The following LGSN variants were observed in gnomAD, a reference collection of about 807,000 sequenced individuals.
The protein encoded by LGSN is lengsin.
A neutral mutation model predicts 19.5 loss-of-function variants in LGSN; 21 were observed. The observed-to-expected ratio is 1.07, with a 90% CI of 0.76 to 1.55. The LOEUF (loss-of-function observed/expected upper bound fraction) is 1.55, where lower values mean the gene tolerates loss of function less well. Ranked by LOEUF, LGSN falls within the 40% of genes most tolerant of loss-of-function variation. The probability of loss-of-function intolerance (pLI) is 0.00; values close to 1 mark genes in which losing one functional copy is unlikely to be tolerated. For synonymous variants in LGSN, 257 were observed against 215.6 expected (o/e 1.19, Z -1.68); for missense variants, 673 against 608.5 (o/e 1.11, Z -1.12).
the LGSN span, among the ~76,000 whole-genome samples, chr6:63,516,845 G>C: frequency 6.6e-6 from 1 of 152,170 alleles, no homozygotes; most frequent in Non-Finnish European, 1.5e-5. Flanking sequence ...AGCTCCAACA[G>C]TTTCCTCTGT....
At chr6:63,524,357 T>C in the LGSN span, among the ~76,000 whole-genome samples, 4 of 152,188 alleles carry the variant, frequency 2.6e-5, no homozygotes, top group Admixed American at 2.0e-4. Flanking sequence ...CATATTTGTA[T>C]GAAAAAATTA....
chr6:63,548,897 G>C, the LGSN span: 1 of 873,364 alleles, frequency 1.1e-6, no homozygotes, highest in Non-Finnish European at 1.9e-6. Flanking sequence ...TAACCTGTAT[G>C]AAGGCGACAG....
the LGSN span, among the ~76,000 whole-genome samples, chr6:63,506,758 G>A: frequency 6.6e-6 from 1 of 152,142 alleles, no homozygotes; most frequent in Non-Finnish European, 1.5e-5. Context: ...AAGAAAAATG[G>A]TCATAAAAAC....
the LGSN span, among the ~76,000 whole-genome samples, chr6:63,386,825 ATGGTGACTCATGCC>A: frequency 6.6e-6 from 1 of 152,152 alleles, no homozygotes; most frequent in Non-Finnish European, 1.5e-5. Context: ...AGGGGCGGGC[ATGGTGACTCATGCC>A]TGTAATCTCA....
chr6:63,291,787 A>C (rs1767782965), intron 2 of LGSN, among the ~76,000 whole-genome samples: 1 of 152,148 alleles, frequency 6.6e-6, no homozygotes, highest in Admixed American at 6.6e-5. Context: ...ACCCCTCGAA[A>C]ATTTCTTCCA....
the LGSN span, among the ~76,000 whole-genome samples, chr6:63,407,433 T>C: frequency 6.6e-6 from 1 of 152,178 alleles, no homozygotes; most frequent in Non-Finnish European, 1.5e-5. Flanking sequence ...AAAAACCACA[T>C]GATTTTCTCA....
At position 63,280,202 on chromosome 6, in the gene LGSN, A is replaced by T; in HGVS notation, c.1349T>A (p.Val450Glu). 6.2e-7 allele frequency: 1 copy of T among 1,614,206 alleles called. No homozygotes were observed. The change falls in exon 4 of 4, where the codon GTG (valine) becomes GAG (glutamate). Residue 450 changes from valine (V) to glutamate (E), a missense_variant. Val to Glu is a moderately radical substitution (Grantham distance 121). Transcript: ENST00000370657. ...GPDESTDFYQVEPSEIPLKLE... is the reference protein window; with the variant it reads ...GPDESTDFYQEEPSEIPLKLE... ...TTTTAAAGGGATCTCAGAAGGTTCC[A>T]CTTGGTAAAAGTCTGTGCTCTCATC...
the LGSN span, among the ~76,000 whole-genome samples, chr6:63,330,507 A>G: frequency 6.6e-6 from 1 of 152,078 alleles, no homozygotes; most frequent in Non-Finnish European, 1.5e-5. Flanking sequence ...GAATCAATTG[A>G]CCCTCGAGTG....
chr6:63,280,734 C>T lies in LGSN; in HGVS notation c.817G>A (p.Glu273Lys). The T allele has an allele frequency of 6.2e-7, 1 of 1,614,074 alleles. No homozygotes were observed. Among genetic ancestry groups the T allele is most frequent in the Non-Finnish European group, 8.5e-7 (1 of 1,180,030 alleles). ...TTATCAGCTGAGCTAATGCCAAATTCAGGCAGGAAAGAGATTTCCATCTGA... is the reference window on the plus strand; with the variant it reads ...TTATCAGCTGAGCTAATGCCAAATTTAGGCAGGAAAGAGATTTCCATCTGA... ...PGQMEISFLPEFGISSADNAF... is the reference protein window; with the variant it reads ...PGQMEISFLPKFGISSADNAF... Residue 273 changes from glutamate (E) to lysine (K), a missense_variant, in exon 4 of 4, where the codon GAA becomes AAA. By Grantham distance (56) the Glu-to-Lys change is moderately conservative (BLOSUM62 1). Coordinates refer to ENST00000370657, the MANE Select transcript of LGSN (RefSeq NM_016571.3).
At chr6:63,495,938 A>T in the LGSN span, among the ~76,000 whole-genome samples, 72,396 of 150,922 alleles carry the variant, frequency 0.48, 19,567 homozygotes, top group African/African-American at 0.75. Flanking sequence ...AATTTTTTTA[A>T]AAAAAAAAGA....
At chr6:63,496,510 C>G in the LGSN span, among the ~76,000 whole-genome samples, 3 of 151,730 alleles carry the variant, frequency 2.0e-5, no homozygotes, top group Non-Finnish European at 4.4e-5. Context: ...AGTGAGATAG[C>G]AAAGGCCTGG....
chr6:63,343,459 A>T, the LGSN span, among the ~76,000 whole-genome samples: 1 of 152,208 alleles, frequency 6.6e-6, no homozygotes. Flanking sequence ...CTTATAAATA[A>T]GCAGTCCTGC....
At chr6:63,557,984 G>A in the LGSN span, among the ~76,000 whole-genome samples, 2 of 151,810 alleles carry the variant, frequency 1.3e-5, no homozygotes, top group Non-Finnish European at 2.9e-5. Context: ...CCGCCTCCTG[G>A]GTTCAAGCAA....
chr6:63,427,744 C>T, the LGSN span, among the ~76,000 whole-genome samples: 46 of 152,218 alleles, frequency 3.0e-4, no homozygotes, highest in East Asian at 6.6e-3. Flanking sequence ...TGAACAGGGA[C>T]GCTGTCTTCT....
the LGSN span, among the ~76,000 whole-genome samples, chr6:63,380,682 C>T: frequency 6.6e-6 from 1 of 151,974 alleles, no homozygotes; most frequent in African/African-American, 2.4e-5. Context: ...AAAAAAATAG[C>T]TCTTTTCTTT....
chr6:63,573,093 C>T, the LGSN span: 2 of 174,124 alleles, frequency 1.1e-5, no homozygotes, highest in Non-Finnish European at 2.4e-5. Flanking sequence ...ACCGCCGCCT[C>T]CGCCCTTGGC....
the LGSN span, among the ~76,000 whole-genome samples, chr6:63,505,553 C>CA: frequency 0.55 from 22,542 of 41,334 alleles, 5,960 homozygotes; most frequent in African/African-American, 0.69. Context: ...AAGAATCTGT[C>CA]AAAAAAAAAA....
At chr6:63,500,835 C>T in the LGSN span, among the ~76,000 whole-genome samples, 1 of 152,096 alleles carries the variant, frequency 6.6e-6, no homozygotes, top group Admixed American at 6.6e-5. Context: ...TCAAGTGATT[C>T]TCCTGCCTTA....
At chr6:63,453,782 T>G in the LGSN span, among the ~76,000 whole-genome samples, 8 of 152,030 alleles carry the variant, frequency 5.3e-5, no homozygotes, top group Admixed American at 4.6e-4. Context: ...GCCTCCCAAG[T>G]AGCTGGAACT....
Sources: gnomAD v4.1 joint callset for allele counts (sites outside exome capture counted in the v4.1 genomes callset) on GRCh38, gnomAD v4.1.1 for gene constraint, MANE v1.5 for transcripts, NCBI Gene and HGNC (gene_info 2026-07-23, HGNC 2026-07-21) for gene names.